Variants in DLGAP2 observed in about 807,000 individuals in gnomAD.
DLGAP2 encodes DLG associated protein 2.
DLGAP2 carries 26 observed loss-of-function variants against 100.3 expected under a neutral mutation model. That is an observed-to-expected ratio of 0.26 (90% CI 0.19 to 0.36). The LOEUF (loss-of-function observed/expected upper bound fraction) is 0.36. Ranked by LOEUF, DLGAP2 falls within the 10% of genes least tolerant of loss-of-function variation. The pLI, the probability that DLGAP2 is intolerant of heterozygous loss-of-function variation, is 1.00. For missense variants in DLGAP2, 1,858 were observed against 1,453.2 expected, an observed-to-expected ratio of 1.28 and a Z score of -4.53; for synonymous variants, 886 against 630.1, an observed-to-expected ratio of 1.41 and a Z score of -6.08.
chr8:1,098,852 A>G (rs1393367092), intron 2 of DLGAP2, among the ~76,000 whole-genome samples: 5 of 152,016 alleles, frequency 3.3e-5, no homozygotes, highest in Admixed American at 2.6e-4. Flanking sequence ...GACGCACACC[A>G]GGGTCCCGGT....
intron 3 of DLGAP2, among the ~76,000 whole-genome samples, chr8:1,338,851 T>G (rs1221552190): frequency 3.7e-5 from 3 of 80,050 alleles, no homozygotes; most frequent in African/African-American, 1.4e-4. Flanking sequence ...TGGCAGGGAA[T>G]GCAGTGACTT....
chr8:909,490 G>A (rs17667438), intron 2 of DLGAP2, among the ~76,000 whole-genome samples: 10,657 of 150,880 alleles, frequency 0.071, 535 homozygotes, highest in Admixed American at 0.13. Context: ...AGTTTGTTCT[G>A]TAAATGGTTT....
rs547970412 is a variant in DLGAP2, at chr8:1,010,392, TCA to T, written c.73+102429_73+102430del. On this transcript the variant is annotated intron_variant, in intron 2 of 14. Coordinates refer to ENST00000637795, the MANE Select transcript of DLGAP2 (RefSeq NM_001346810.2). ...TCTCACATGTGTGCACAGTCAGATA[TCA>T]CAGTTTTATACACACATACACACAT... 2.1e-3 allele frequency among the ~76,000 whole-genome samples: 312 copies of T among 151,766 alleles called. 1 individual carries two copies. Among genetic ancestry groups the T allele is most frequent in the African/African-American group, 6.9e-3 (284 of 41,316 alleles).
intron 2 of DLGAP2, among the ~76,000 whole-genome samples, chr8:1,185,028 C>T (rs970503918): frequency 1.3e-5 from 2 of 152,046 alleles, no homozygotes; most frequent in Non-Finnish European, 2.9e-5. Flanking sequence ...ACCCGGGGGA[C>T]GGGGGATGGT....
At chr8:1,074,202 T>A (rs1300715709) in intron 2 of DLGAP2, among the ~76,000 whole-genome samples, 1 of 148,936 alleles carries the variant, frequency 6.7e-6, no homozygotes, top group East Asian at 2.0e-4. Flanking sequence ...TGCAGCAGAC[T>A]GAAGCTGAAC....
chr8:960,863 G>A (rs145811672), intron 2 of DLGAP2, among the ~76,000 whole-genome samples: 2 of 152,138 alleles, frequency 1.3e-5, no homozygotes, highest in Non-Finnish European at 1.5e-5. Flanking sequence ...ACTTACGATG[G>A]GGTTATGTCC....
chr8:738,353 C>T (rs1349293484), intron 1 of DLGAP2, among the ~76,000 whole-genome samples: 1 of 151,120 alleles, frequency 6.6e-6, no homozygotes, highest in African/African-American at 2.4e-5. Context: ...GGGGCGGGGG[C>T]GACCAGGATG....
chr8:1,222,628 T>G (rs1420263793), intron 2 of DLGAP2, among the ~76,000 whole-genome samples: 2 of 146,324 alleles, frequency 1.4e-5, no homozygotes, highest in Non-Finnish European at 3.0e-5. Flanking sequence ...AGGCTGCAGG[T>G]GGGTGTACAC....
At chr8:1,455,805 C>G (rs1465179689) in intron 3 of DLGAP2, among the ~76,000 whole-genome samples, 1 of 152,244 alleles carries the variant, frequency 6.6e-6, no homozygotes, top group African/African-American at 2.4e-5. Flanking sequence ...AAGGCACCAC[C>G]TCCTCCCATC....
intron 3 of DLGAP2, among the ~76,000 whole-genome samples, chr8:1,353,014 G>T (rs551818180): frequency 1.3e-5 from 2 of 152,296 alleles, no homozygotes; most frequent in Admixed American, 1.3e-4. Context: ...CTCAGCCGAA[G>T]GGAGAACCTG....
Position 794,122 on chromosome 8 carries a change from T to C in DLGAP2, c.18+56297T>C, listed in dbSNP as rs1443594900. Among the ~76,000 whole-genome samples the C allele has an allele frequency of 2.7e-5, 4 of 150,138 alleles. No homozygotes were observed. In the South Asian group the frequency reaches 8.4e-4, roughly 32 times the overall value. ...CTGCAGGACAGGGTCCCTTGTGGTG[T>C]TGTAGATTAGATAAACTACATCTAT... On this transcript the variant is annotated intron_variant, in intron 1 of 14. Coordinates refer to ENST00000637795, the MANE Select transcript of DLGAP2 (RefSeq NM_001346810.2).
chr8:844,619 G>C (rs956687345), intron 1 of DLGAP2, among the ~76,000 whole-genome samples: 2 of 152,154 alleles, frequency 1.3e-5, no homozygotes, highest in African/African-American at 4.8e-5. Context: ...CGCCTATCAA[G>C]GATCCCCACT....
chr8:961,581 C>T (rs1054662725), intron 2 of DLGAP2, among the ~76,000 whole-genome samples: 1 of 152,064 alleles, frequency 6.6e-6, no homozygotes, highest in East Asian at 1.9e-4. Flanking sequence ...AACAGTGGGA[C>T]CTGTCATTTC....
intron 2 of DLGAP2, among the ~76,000 whole-genome samples, chr8:968,467 C>T (rs1366330737): frequency 6.6e-6 from 1 of 152,140 alleles, no homozygotes; most frequent in East Asian, 1.9e-4. Flanking sequence ...CTGCTCCCTG[C>T]CCACATTCCT....
At chr8:1,174,680 CCAT>C (rs75718044) in intron 2 of DLGAP2, among the ~76,000 whole-genome samples, 14,568 of 151,576 alleles carry the variant, frequency 0.096, 826 homozygotes, top group East Asian at 0.23. Flanking sequence ...ACCATCACCA[CCAT>C]CATCATTACC....
intron 6 of DLGAP2, among the ~76,000 whole-genome samples, chr8:1,584,036 G>C (rs1394479405): frequency 2.0e-5 from 3 of 152,028 alleles, no homozygotes; most frequent in Admixed American, 1.3e-4. Flanking sequence ...GCTCGTGCTT[G>C]TCTCTACCAC....
chr8:891,289 A>T (rs1047145445), intron 1 of DLGAP2: 1 of 152,366 alleles, frequency 6.6e-6, no homozygotes. Flanking sequence ...ATTTTGAGAA[A>T]TGCTCAGGAT....
chr8:1,384,669 G>A (rs1796175029), intron 3 of DLGAP2, among the ~76,000 whole-genome samples: 2 of 114,846 alleles, frequency 1.7e-5, no homozygotes, highest in Non-Finnish European at 1.7e-5. Flanking sequence ...CAGTTACCCC[G>A]GCCTGTGCCC....
rs377034065 is a variant in DLGAP2, at chr8:857,945, A to G, written c.19-49967A>G. ...GAGTGCAGTGGTGTGATCTCGGCTCACTGCAGCCTCTGTCTCCTGGATTCA... is the reference window on the plus strand; with the variant it reads ...GAGTGCAGTGGTGTGATCTCGGCTCGCTGCAGCCTCTGTCTCCTGGATTCA... On this transcript the variant is annotated intron_variant, in intron 1 of 14. Transcript: ENST00000637795. Among the ~76,000 whole-genome samples the G allele has an allele frequency of 4.7e-5, 7 of 149,010 alleles. No homozygotes were observed. In the East Asian group the frequency reaches 1.0e-3, roughly 21 times the overall value.
Sources: allele counts gnomAD v4.1 joint callset (sites outside exome capture counted in the v4.1 genomes callset), GRCh38; gene constraint gnomAD v4.1.1; transcripts MANE v1.5; gene names NCBI Gene and HGNC (gene_info 2026-07-23, HGNC 2026-07-21).